EPHA6: variants seen among roughly 807,000 people sequenced by gnomAD.
The protein encoded by EPHA6 is EPH receptor A6.
In EPHA6, 50 loss-of-function variants were observed where a neutral mutation model predicts 112.0. The ratio of observed to expected loss-of-function variants is 0.45; its 90% CI spans 0.36 to 0.56. EPHA6 has a LOEUF of 0.56. EPHA6 is among the 20% of genes least tolerant of loss of function. The probability of loss-of-function intolerance (pLI) is 0.00; values close to 1 mark genes in which losing one functional copy is unlikely to be tolerated. For missense variants in EPHA6, 1,280 were observed against 1,417.4 expected (o/e 0.90, Z 1.56); for synonymous variants, 529 against 490.7 (o/e 1.08, Z -1.03).
intron 14 of EPHA6, among the ~76,000 whole-genome samples, chr3:97,701,200 G>A (rs1576315393): frequency 6.6e-6 from 1 of 152,306 alleles, no homozygotes; most frequent in South Asian, 2.1e-4. Flanking sequence ...GTCCATATAT[G>A]AGAAATGGAC....
intron 14 of EPHA6, among the ~76,000 whole-genome samples, chr3:97,694,266 C>T (rs1240910401): frequency 6.6e-6 from 1 of 151,302 alleles, no homozygotes; most frequent in Non-Finnish European, 1.5e-5. Flanking sequence ...ATGGAGTCTC[C>T]CAGTTGTTGG....
intron 2 of EPHA6, among the ~76,000 whole-genome samples, chr3:96,942,056 G>T (rs966718672): frequency 2.6e-5 from 4 of 152,166 alleles, no homozygotes; most frequent in Non-Finnish European, 5.9e-5. Flanking sequence ...GGCTGCTCGG[G>T]GGTCAGGGAC....
At chr3:97,229,651 A>G (rs966937163) in intron 4 of EPHA6, among the ~76,000 whole-genome samples, 5 of 152,148 alleles carry the variant, frequency 3.3e-5, no homozygotes, top group East Asian at 1.9e-4. Context: ...TATTTCTTAG[A>G]GGCATTTCTT....
chr3:97,120,333 G>A (rs899194005), intron 3 of EPHA6, among the ~76,000 whole-genome samples: 2 of 151,566 alleles, frequency 1.3e-5, no homozygotes, highest in African/African-American at 4.8e-5. Flanking sequence ...TAGAAACTTA[G>A]TACAGGTAAG....
At chr3:97,726,498 G>A (rs1272239894) in intron 15 of EPHA6, among the ~76,000 whole-genome samples, 6 of 151,936 alleles carry the variant, frequency 3.9e-5, no homozygotes, top group Non-Finnish European at 5.9e-5. Flanking sequence ...GTACCATACC[G>A]TTACTATATT....
At chr3:97,111,654 A>C (rs1210900763) in intron 3 of EPHA6, among the ~76,000 whole-genome samples, 1 of 152,066 alleles carries the variant, frequency 6.6e-6, no homozygotes, top group African/African-American at 2.4e-5. Flanking sequence ...TTTTCTCACA[A>C]TTTACAACTT....
intron 3 of EPHA6, among the ~76,000 whole-genome samples, chr3:97,180,266 C>G (rs1011294948): frequency 1.1e-4 from 17 of 152,042 alleles, no homozygotes; most frequent in African/African-American, 3.6e-4. Flanking sequence ...TGACCTGGTA[C>G]TCGTCCTTCA....
intron 2 of EPHA6, among the ~76,000 whole-genome samples, chr3:96,939,777 C>A (rs141018928): frequency 1.3e-5 from 2 of 152,186 alleles, no homozygotes; most frequent in Non-Finnish European, 1.5e-5. Context: ...GCTTTGAATG[C>A]GTCCCAGAGA....
At chr3:97,658,278 C>T (rs301958) in intron 14 of EPHA6, among the ~76,000 whole-genome samples, 23,143 of 151,488 alleles carry the variant, frequency 0.15, 1,967 homozygotes, top group East Asian at 0.4. Context: ...CTTTTGCTAC[C>T]TTTTTCTTGC....
chr3:97,602,279 A>C (rs1393454148), intron 12 of EPHA6, among the ~76,000 whole-genome samples: 1 of 152,056 alleles, frequency 6.6e-6, no homozygotes, highest in East Asian at 1.9e-4. Context: ...AGGTTTTTCC[A>C]ATCAGTGTCC....
intron 5 of EPHA6, among the ~76,000 whole-genome samples, chr3:97,302,546 T>G (rs2081138122): frequency 6.6e-6 from 1 of 151,424 alleles, no homozygotes; most frequent in Admixed American, 6.6e-5. Flanking sequence ...TACCCTTAAG[T>G]GGTATATATT....
chr3:96,878,011 G>A (rs1180843353), intron 2 of EPHA6, among the ~76,000 whole-genome samples: 1 of 151,214 alleles, frequency 6.6e-6, no homozygotes, highest in Non-Finnish European at 1.5e-5. Flanking sequence ...TCTTAATTTA[G>A]AGAGTTTGAT....
chr3:96,903,525 T>A (rs2038737835), intron 2 of EPHA6, among the ~76,000 whole-genome samples: 1 of 152,206 alleles, frequency 6.6e-6, no homozygotes, highest in Non-Finnish European at 1.5e-5. Flanking sequence ...TGAGTTTCTG[T>A]TACTTTAAAC....
At chr3:97,102,875 A>G (rs949001981) in intron 3 of EPHA6, among the ~76,000 whole-genome samples, 2 of 151,992 alleles carry the variant, frequency 1.3e-5, no homozygotes, top group African/African-American at 4.8e-5. Context: ...TTCTCTAATG[A>G]TCCATGATAT....
intron 14 of EPHA6, among the ~76,000 whole-genome samples, chr3:97,687,416 T>G (rs2032333645): frequency 6.6e-6 from 1 of 152,190 alleles, no homozygotes; most frequent in Admixed American, 6.6e-5. Context: ...AATGCTAGCA[T>G]TTTGCAAGAA....
intron 6 of EPHA6, among the ~76,000 whole-genome samples, chr3:97,442,479 G>A (rs565143889): frequency 3.9e-5 from 6 of 152,162 alleles, no homozygotes; most frequent in South Asian, 2.1e-4. Flanking sequence ...ACAGCTACTC[G>A]GGAGGCTGAG....
At chr3:97,560,722 G>T (rs544414252) in intron 11 of EPHA6, 2 of 152,092 alleles carry the variant, frequency 1.3e-5, no homozygotes, top group East Asian at 1.9e-4. Flanking sequence ...TTCTATGGAC[G>T]TAGCATCTAA....
chr3:97,174,071 A>G (rs977670236), intron 3 of EPHA6, among the ~76,000 whole-genome samples: 1 of 148,572 alleles, frequency 6.7e-6, no homozygotes, highest in Non-Finnish European at 1.5e-5. Flanking sequence ...CTATCTTTCT[A>G]CCCTGTATGT....
intron 1 of EPHA6, among the ~76,000 whole-genome samples, chr3:96,849,133 C>T (rs2035244772): frequency 6.6e-6 from 1 of 152,068 alleles, no homozygotes; most frequent in African/African-American, 2.4e-5. Flanking sequence ...AAATTGCTGA[C>T]CAAATAAAAA....
Sources: allele counts gnomAD v4.1 joint callset (sites outside exome capture counted in the v4.1 genomes callset), GRCh38; gene constraint gnomAD v4.1.1; transcripts MANE v1.5; gene names NCBI Gene and HGNC (gene_info 2026-07-23, HGNC 2026-07-21).